The following DESI2 variants were observed in gnomAD, a reference collection of about 807,000 sequenced individuals.
DESI2 encodes the protein deubiquitinase DESI2.
Under a neutral mutation model 24.1 loss-of-function variants are expected in DESI2, and 10 were observed. The ratio of observed to expected loss-of-function variants is 0.41; its 90% confidence interval spans 0.26 to 0.70. DESI2 has a LOEUF of 0.70. Among genes scored for constraint, DESI2 ranks in the 30% least tolerant of loss-of-function variants. The pLI, the probability that DESI2 is intolerant of heterozygous loss-of-function variation, is 0.29. For missense variants in DESI2, 122 were observed against 234.9 expected (o/e 0.52, Z 3.14); for synonymous variants, 71 against 87.7 (o/e 0.81, Z 1.06).
chr1:244,658,160 C>G (rs570165998), intron 1 of DESI2, among the ~76,000 whole-genome samples: 1 of 152,326 alleles, frequency 6.6e-6, no homozygotes, highest in South Asian at 2.1e-4. Context: ...AGTATTACTT[C>G]ATTTTAATCC....
Position 244,692,628 on chromosome 1 carries a change from C to T in DESI2, c.351+608C>T, listed in dbSNP as rs180875822. ...TCTTAGCAGATGGTTACAGTGGCAG[C>T]GTCCAGGTGCCACAGAAACTGTGAA... On this transcript the variant is annotated intron_variant, in intron 4 of 4. Transcript: ENST00000302550. Among the ~76,000 whole-genome samples the T allele has an allele frequency of 5.9e-5, 9 of 152,326 alleles. No individual in the cohort carries two copies. In the East Asian group the frequency reaches 1.5e-3, roughly 26 times the overall value.
At chr1:244,694,800 T>G in intron 4 of DESI2, 1 of 540,976 alleles carries the variant, frequency 1.8e-6, no homozygotes, top group Non-Finnish European at 3.3e-6. Context: ...ACCTGTTTCC[T>G]TGACTGCTTT....
intron 1 of DESI2, among the ~76,000 whole-genome samples, chr1:244,667,762 A>G (rs1676096636): frequency 1.3e-5 from 2 of 152,092 alleles, no homozygotes; most frequent in Admixed American, 6.5e-5. Context: ...AACTAGTGCA[A>G]TGGTTTAGGG....
At chr1:244,676,201 C>T (rs775179209) in intron 1 of DESI2, among the ~76,000 whole-genome samples, 2 of 152,062 alleles carry the variant, frequency 1.3e-5, no homozygotes, top group African/African-American at 4.8e-5. Context: ...CTCAGCCTCC[C>T]GAGCAGCTGA....
intron 1 of DESI2, among the ~76,000 whole-genome samples, chr1:244,681,557 T>G (rs1254966299): frequency 3.3e-5 from 5 of 152,184 alleles, no homozygotes; most frequent in Non-Finnish European, 5.9e-5. Context: ...ATTTGTTAGA[T>G]TCTCATAAGG....
At chr1:244,672,205 G>A (rs1178218951) in intron 1 of DESI2, among the ~76,000 whole-genome samples, 1 of 152,098 alleles carries the variant, frequency 6.6e-6, no homozygotes, top group Non-Finnish European at 1.5e-5. Context: ...CCTAGTGGGA[G>A]GTCTTGGAAT....
Position 244,679,177 on chromosome 1 carries a change from G to A in DESI2, c.43-7420G>A, listed in dbSNP as rs577956364. ...CCCATGTCAGCCTCCTGGGTAGCTGGGACTACAGGCACGCACCACCACTTC... is the reference window on the plus strand; with the variant it reads ...CCCATGTCAGCCTCCTGGGTAGCTGAGACTACAGGCACGCACCACCACTTC... On this transcript the variant is annotated intron_variant, in intron 1 of 4. Coordinates refer to ENST00000302550, the MANE Select transcript of DESI2 (RefSeq NM_016076.5). Among the ~76,000 whole-genome samples the A allele has an allele frequency of 7.9e-5, 12 of 152,076 alleles. No individual in the cohort carries two copies. The South Asian group carries it at 2.5e-3, about 32-fold the overall frequency.
At chr1:244,653,476 G>C (rs1429825891) in intron 1 of DESI2, 121 bp downstream of exon 1, 2 of 959,230 alleles carry the variant, frequency 2.1e-6, no homozygotes, top group South Asian at 1.6e-5. Flanking sequence ...CCTAGTTCTC[G>C]GGGGAAGCCG....
chr1:244,700,603 A>C (rs1677409714), intron 4 of DESI2, among the ~76,000 whole-genome samples: 2 of 152,200 alleles, frequency 1.3e-5, no homozygotes, highest in Admixed American at 6.5e-5. Context: ...CTGAATTGAT[A>C]ATTGTTTCTA....
At chr1:244,668,551 T>C (rs1392447565) in intron 1 of DESI2, among the ~76,000 whole-genome samples, 1 of 152,204 alleles carries the variant, frequency 6.6e-6, no homozygotes, top group Non-Finnish European at 1.5e-5. Flanking sequence ...TGAGGAGAAA[T>C]GGTTATTCTT....
chr1:244,701,212 T>TCCCCCCCCCCCCCCCCCC (rs1677442100), intron 4 of DESI2, among the ~76,000 whole-genome samples: 1 of 57,720 alleles, frequency 1.7e-5, no homozygotes, highest in Non-Finnish European at 2.7e-5. Flanking sequence ...CACCTTCCCC[T>TCCCCCCCCCCCCCCCCCC]CCACCCCCCC....
In DESI2 at chr1:244,669,505, C is replaced by T. The variant is rs1297000717; in HGVS notation, c.42+16150C>T. Among the ~76,000 whole-genome samples the T allele has an allele frequency of 8.6e-5, 13 of 151,778 alleles. 1 individual carries two copies. The highest frequency in any genetic ancestry group is 8.5e-4 in the Admixed American group (13 of 15,244). ...ACTAGCCTGACCAATATGGAGAAAC[C>T]CCATCACTACTAAAAATACAAAATT... On this transcript the variant is annotated intron_variant, in intron 1 of 4. Coordinates refer to ENST00000302550, the MANE Select transcript of DESI2 (RefSeq NM_016076.5).
chr1:244,702,654 A>G (rs1677515222), intron 4 of DESI2, among the ~76,000 whole-genome samples: 1 of 152,166 alleles, frequency 6.6e-6, no homozygotes, highest in South Asian at 2.1e-4. Context: ...CCTAAGAGGT[A>G]TAGGGGATAC....
At chr1:244,674,500 A>G (rs768813632) in intron 1 of DESI2, among the ~76,000 whole-genome samples, 9 of 152,190 alleles carry the variant, frequency 5.9e-5, no homozygotes, top group Non-Finnish European at 1.0e-4. Flanking sequence ...GCCCATACCC[A>G]TTAGCAATCA....
chr1:244,674,845 A>G (rs1033096718), intron 1 of DESI2, among the ~76,000 whole-genome samples: 3 of 152,186 alleles, frequency 2.0e-5, no homozygotes, highest in African/African-American at 7.2e-5. Flanking sequence ...TTATGTGGCT[A>G]TATATTTTCA....
intron 1 of DESI2, among the ~76,000 whole-genome samples, chr1:244,675,756 T>C (rs759966054): frequency 6.6e-6 from 1 of 152,226 alleles, no homozygotes; most frequent in Non-Finnish European, 1.5e-5. Flanking sequence ...ATTCTAGGTC[T>C]CTTGAATTTC....
chr1:244,668,081 A>G (rs186567972), intron 1 of DESI2, among the ~76,000 whole-genome samples: 2 of 152,348 alleles, frequency 1.3e-5, no homozygotes, highest in East Asian at 3.8e-4. Context: ...AATTGTGATT[A>G]TTTACATACT....
At chr1:244,700,917 C>A (rs1260143288) in intron 4 of DESI2, among the ~76,000 whole-genome samples, 1 of 152,126 alleles carries the variant, frequency 6.6e-6, no homozygotes, top group East Asian at 1.9e-4. Context: ...TTAATAGATA[C>A]AGTAAAATTC....
chr1:244,673,948 G>A (rs781442686), intron 1 of DESI2, among the ~76,000 whole-genome samples: 3 of 147,998 alleles, frequency 2.0e-5, no homozygotes, highest in Non-Finnish European at 3.0e-5. Flanking sequence ...ATACTCTTCT[G>A]TCATTTGGGA....
Sources: allele counts gnomAD v4.1 joint callset (sites outside exome capture counted in the v4.1 genomes callset), GRCh38; gene constraint gnomAD v4.1.1; transcripts MANE v1.5; gene names NCBI Gene and HGNC (gene_info 2026-07-23, HGNC 2026-07-21).